Variants in HLA-DPA1 observed in about 807,000 individuals in gnomAD.
The protein encoded by HLA-DPA1 is major histocompatibility complex, class II, DP alpha 1.
Under a neutral mutation model 21.5 loss-of-function variants are expected in HLA-DPA1, and 20 were observed. The ratio of observed to expected loss-of-function variants is 0.93; its 90% CI spans 0.66 to 1.35. HLA-DPA1 has a LOEUF of 1.35. Ranked by LOEUF, HLA-DPA1 falls within the 40% of genes most tolerant of loss-of-function variation. HLA-DPA1 has a pLI of 0.00. For synonymous variants in HLA-DPA1, 123 were observed against 129.6 expected, an observed-to-expected ratio of 0.95 and a Z score of 0.35; for missense variants, 279 against 323.0, an observed-to-expected ratio of 0.86 and a Z score of 1.05.
exon 6 of HLA-DPA1, chr6:33,064,908 T>C (rs573326286): frequency 1.3e-5 from 2 of 152,320 alleles, no homozygotes; most frequent in African/African-American, 4.8e-5. Context: ...TCAGAACCTT[T>C]AGTAACCACA....
chr6:33,077,488 T>C lies in HLA-DPA1; in HGVS notation c.-100+3192A>G, dbSNP rs189616402. 1.7e-3 allele frequency among the ~76,000 whole-genome samples: 261 copies of C among 152,234 alleles called. 4 individuals are homozygous for C. The East Asian group carries it at 0.032, about 19-fold the overall frequency. On this transcript the variant is annotated intron_variant, in intron 1 of 5. Coordinates refer to ENST00000419277, the Ensembl canonical transcript of HLA-DPA1. ...TTCTAGTTCTAGATCTTTGAGGAAT[T>C]GCCACACTGTCTTGAGATACCATCT...
At chr6:33,065,967 A>AAG (rs2150355024) in intron 5 of HLA-DPA1, 1 of 152,206 alleles carries the variant, frequency 6.6e-6, no homozygotes, top group East Asian at 1.9e-4. Context: ...TTGCCTTTTC[A>AAG]AGATATTTCA....
intron 1 of HLA-DPA1, among the ~76,000 whole-genome samples, chr6:33,073,985 T>A (rs954914743): frequency 6.6e-6 from 1 of 152,202 alleles, no homozygotes; most frequent in Admixed American, 6.5e-5. Context: ...ATATTTTAAA[T>A]CATGTTTTAT....
chr6:33,077,636 C>T (rs926776090), intron 1 of HLA-DPA1, among the ~76,000 whole-genome samples: 4 of 152,182 alleles, frequency 2.6e-5, no homozygotes, highest in Non-Finnish European at 5.9e-5. Context: ...CCATTGTACT[C>T]TCAGGACATT....
chr6:33,069,835 C>T, exon 3 of HLA-DPA1: 2 of 1,610,216 alleles, frequency 1.2e-6, no homozygotes, highest in Admixed American at 1.7e-5. Context: ...CATAAACTCC[C>T]CTGTTGGTCT....
chr6:33,078,105 T>C (rs1762642161), intron 1 of HLA-DPA1, among the ~76,000 whole-genome samples: 1 of 151,442 alleles, frequency 6.6e-6, no homozygotes, highest in Admixed American at 6.6e-5. Flanking sequence ...TGAGGGACAG[T>C]GTTGGGAGCC....
chr6:33,073,413 T>C (rs1371557271), intron 2 of HLA-DPA1, 58 bp downstream of exon 1: 1 of 825,696 alleles, frequency 1.2e-6, no homozygotes, highest in African/African-American at 1.6e-5. Context: ...GAAGCAGCAA[T>C]TGATGTGAAC....
In HLA-DPA1 at chr6:33,068,718, C is replaced by T. The variant is rs551415787; in HGVS notation, c.715G>A (p.Val239Met). ...GACTTTATGATGAGGACGGTGCCCA[C>T]GATGATGCCGACTAGGCCCAGCACC... The change falls in exon 5 of 6, where the codon GTG becomes ATG. Residue 239 changes from valine to methionine, a missense_variant. Physicochemically the swap from Val to Met is conservative, Grantham distance 21. Coordinates refer to ENST00000419277, the Ensembl canonical transcript of HLA-DPA1. 5.3e-5 allele frequency: 85 copies of T among 1,612,978 alleles called. 1 individual carries two copies. In the Middle Eastern group the frequency reaches 6.6e-4, roughly 13 times the overall value.
intron 1 of HLA-DPA1, among the ~76,000 whole-genome samples, chr6:33,075,015 T>C (rs930749021): frequency 6.6e-6 from 1 of 152,214 alleles, no homozygotes; most frequent in African/African-American, 2.4e-5. Context: ...AAATTAGAAT[T>C]GGTGGTCCAA....
intron 1 of HLA-DPA1, 136 bp from the exon 1 acceptor site, chr6:33,073,785 T>C: frequency 1.7e-5 from 9 of 526,390 alleles, no homozygotes; most frequent in East Asian, 3.0e-5. Context: ...GGGGAAGAGA[T>C]GGGAGAATTT....
At chr6:33,072,306 A>G (rs1001681768) in intron 2 of HLA-DPA1, among the ~76,000 whole-genome samples, 1 of 152,200 alleles carries the variant, frequency 6.6e-6, no homozygotes, top group African/African-American at 2.4e-5. Context: ...GGACACAAAG[A>G]AAGTGTCTCT....
At chr6:33,078,703 T>C (rs776223999) in intron 1 of HLA-DPA1, among the ~76,000 whole-genome samples, 10 of 152,260 alleles carry the variant, frequency 6.6e-5, no homozygotes, top group Non-Finnish European at 7.3e-5. Context: ...AAATTCCATT[T>C]CAAAAGTTAA....
intron 2 of HLA-DPA1, among the ~76,000 whole-genome samples, chr6:33,070,740 G>A (rs148517218): frequency 1.2e-4 from 19 of 152,116 alleles, no homozygotes; most frequent in Non-Finnish European, 2.6e-4. Context: ...GAGTACATGT[G>A]CAGGTTTGTT....
rs117087507 is a variant in HLA-DPA1, at chr6:33,070,826, T to C, written c.101-940A>G. Among the ~76,000 whole-genome samples the C allele has an allele frequency of 3.6e-3, 541 of 152,362 alleles. 3 individuals are homozygous for C. The highest frequency in any genetic ancestry group is 0.026 in the East Asian group (133 of 5,192). ...CACAGGTACTAAGCATTCTAAACTT[T>C]TCTTACATTTATATTTTGATTTTTG... On this transcript the variant is annotated intron_variant, in intron 2 of 5. Transcript: ENST00000419277.
chr6:33,073,489 C>T (rs1312755479), exon 2 of HLA-DPA1: 1 of 1,612,428 alleles, frequency 6.2e-7, no homozygotes, highest in African/African-American at 1.3e-5. Context: ...GCCCCAGCTC[C>T]TCGGAGACTC....
chr6:33,067,389 C>A (rs1294240438), intron 5 of HLA-DPA1: 1 of 152,088 alleles, frequency 6.6e-6, no homozygotes, highest in Admixed American at 6.5e-5. Context: ...AGGCTGGCAC[C>A]TCTTTCTATG....
At chr6:33,075,544 G>A (rs1437455687) in intron 1 of HLA-DPA1, among the ~76,000 whole-genome samples, 1 of 152,146 alleles carries the variant, frequency 6.6e-6, no homozygotes, top group Non-Finnish European at 1.5e-5. Context: ...GACCTCATTT[G>A]AGTTCTGAGA....
chr6:33,071,468 T>C (rs888110443), intron 2 of HLA-DPA1, among the ~76,000 whole-genome samples: 2 of 152,238 alleles, frequency 1.3e-5, no homozygotes, highest in African/African-American at 4.8e-5. Flanking sequence ...AAAAACACTT[T>C]CACAAGTTCT....
chr6:33,074,706 T>G (rs1762451113), intron 1 of HLA-DPA1, among the ~76,000 whole-genome samples: 1 of 152,234 alleles, frequency 6.6e-6, no homozygotes, highest in Non-Finnish European at 1.5e-5. Flanking sequence ...TTACCTCATT[T>G]AAACCTCATA....
Sources: gnomAD v4.1 joint callset for allele counts (sites outside exome capture counted in the v4.1 genomes callset) on GRCh38, gnomAD v4.1.1 for gene constraint, MANE v1.5 for transcripts, NCBI Gene and HGNC (gene_info 2026-07-23, HGNC 2026-07-21) for gene names.